LINGO2: variants seen among roughly 807,000 people sequenced by gnomAD.
LINGO2 encodes leucine rich repeat and Ig domain containing 2, also known as leucine-rich repeat and immunoglobulin-like domain-containing nogo receptor-interacting protein 2.
Under a neutral mutation model 30.6 loss-of-function variants are expected in LINGO2, and 14 were observed. That is an observed-to-expected ratio of 0.46 (90% CI 0.30 to 0.72). LINGO2 has a LOEUF of 0.72. Ranked by LOEUF, LINGO2 falls within the 30% of genes least tolerant of loss-of-function variation. The probability of loss-of-function intolerance (pLI) is 0.07; values close to 1 mark genes in which losing one functional copy is unlikely to be tolerated. For synonymous variants in LINGO2, 317 were observed against 288.5 expected, an observed-to-expected ratio of 1.10 and a Z score of -1.00; for missense variants, 729 against 751.7, an observed-to-expected ratio of 0.97 and a Z score of 0.35.
chr9:27,950,500 C>T lies in LINGO2; in HGVS notation c.172G>A (p.Glu58Lys), dbSNP rs770649517. 6.9e-6 allele frequency: 11 copies of T among 1,595,044 alleles called. No individual in the cohort carries two copies. The highest frequency in any genetic ancestry group is 9.4e-6 in the Non-Finnish European group (11 of 1,168,914). ...TTACTGAGGTCCAAGATTTTGGTTTCGATGGGAATGCCCTCTGGGATGGCG... is the reference window on the plus strand; with the variant it reads ...TTACTGAGGTCCAAGATTTTGGTTTTGATGGGAATGCCCTCTGGGATGGCG... The change falls in exon 6 of 6, where the codon GAA becomes AAA. Residue 58 changes from glutamate to lysine, a missense_variant. Coordinates refer to ENST00000379992, the Ensembl canonical transcript of LINGO2.
Position 28,303,299 on chromosome 9 carries a change from G to A in LINGO2, c.-245-7933C>T, listed in dbSNP as rs368755858. Among the ~76,000 whole-genome samples the A allele has an allele frequency of 5.8e-4, 88 of 152,254 alleles. 2 individuals carry two copies. In the South Asian group the frequency reaches 0.017, roughly 30 times the overall value. ...ATTCTCTGATTTTTATTAGGAAGTT[G>A]TTGCTGAGGATAATCTTGGAGGGAA... On this transcript the variant is annotated intron_variant, in intron 3 of 5. Transcript: ENST00000379992.
chr9:28,992,533 C>T, the LINGO2 span, among the ~76,000 whole-genome samples: 1 of 152,056 alleles, frequency 6.6e-6, no homozygotes, highest in Admixed American at 6.6e-5. Context: ...ATGTACAGAA[C>T]TCTCCACCCC....
chr9:29,107,081 A>G, the LINGO2 span, among the ~76,000 whole-genome samples: 1 of 152,202 alleles, frequency 6.6e-6, no homozygotes, highest in African/African-American at 2.4e-5. Context: ...ATGTAATACT[A>G]TCTTAATCAC....
intron 1 of LINGO2, among the ~76,000 whole-genome samples, chr9:28,549,521 G>A (rs757304078): frequency 6.6e-6 from 1 of 151,896 alleles, no homozygotes; most frequent in African/African-American, 2.4e-5. Flanking sequence ...GTTCATCTAT[G>A]CTTTTACTAG....
rs150653789 is a variant in LINGO2 at position 28,107,222 on chromosome 9, C to T, written c.-86-94817G>A. 9.0e-4 allele frequency among the ~76,000 whole-genome samples: 137 copies of T among 152,260 alleles called. 1 individual carries two copies. In the South Asian group the frequency reaches 0.019, roughly 21 times the overall value. ...TGTATGATTGTTTGGGGTCTTTCCC[C>T]CACTAGCCAAACGTCTATGAGGGCA... is the stretch of plus-strand genomic sequence containing the variant. On this transcript the variant is annotated intron_variant, in intron 4 of 5. Coordinates refer to ENST00000379992, the Ensembl canonical transcript of LINGO2.
chr9:28,874,391 C>T, the LINGO2 span, among the ~76,000 whole-genome samples: 5 of 151,952 alleles, frequency 3.3e-5, no homozygotes, highest in African/African-American at 1.2e-4. Context: ...ACACTTTACT[C>T]ATCTTTAAAA....
At chr9:28,366,565 C>T (rs1321831153) in intron 3 of LINGO2, among the ~76,000 whole-genome samples, 2 of 151,934 alleles carry the variant, frequency 1.3e-5, no homozygotes, top group Admixed American at 6.6e-5. Flanking sequence ...AAAAAGAATG[C>T]TGGAGGACTC....
the LINGO2 span, among the ~76,000 whole-genome samples, chr9:29,122,813 C>A: frequency 1.3e-5 from 2 of 152,028 alleles, no homozygotes; most frequent in Non-Finnish European, 2.9e-5. Flanking sequence ...CAACACAGTA[C>A]AAATGTTCTG....
exon 6 of LINGO2, chr9:27,950,197 C>T (rs751432972): frequency 1.9e-6 from 3 of 1,613,908 alleles, no homozygotes; most frequent in Non-Finnish European, 2.5e-6. Flanking sequence ...TCCCCCACTT[C>T]TAGAGACTTC....
intron 3 of LINGO2, among the ~76,000 whole-genome samples, chr9:28,333,465 G>A (rs1432564832): frequency 6.6e-6 from 1 of 152,114 alleles, no homozygotes; most frequent in African/African-American, 2.4e-5. Flanking sequence ...TAGGACAACT[G>A]CATGGCAAAG....
chr9:28,953,437 C>T, the LINGO2 span, among the ~76,000 whole-genome samples: 1 of 152,026 alleles, frequency 6.6e-6, no homozygotes, highest in South Asian at 2.1e-4. Flanking sequence ...CATTGATTAT[C>T]AGTTAATTAT....
Position 28,583,394 on chromosome 9 carries a change from T to C in LINGO2, c.-365+86806A>G, listed in dbSNP as rs151233517. Among the ~76,000 whole-genome samples, 396 of 152,086 alleles carry C rather than the reference T, an allele frequency of 2.6e-3. 2 individuals carry two copies. Among genetic ancestry groups the C allele is most frequent in the African/African-American group, 9.2e-3 (381 of 41,552 alleles). Reference sequence around the variant, plus strand: ...TACTATTATAGAGATTATAAAAATCTAAATGTCTCATCTTTTTCATAACGT... The same window carrying C: ...TACTATTATAGAGATTATAAAAATCCAAATGTCTCATCTTTTTCATAACGT... On this transcript the variant is annotated intron_variant, in intron 1 of 5. Coordinates refer to ENST00000379992, the Ensembl canonical transcript of LINGO2.
At chr9:29,102,056 C>T in the LINGO2 span, among the ~76,000 whole-genome samples, 1 of 150,992 alleles carries the variant, frequency 6.6e-6, no homozygotes, top group Non-Finnish European at 1.5e-5. Context: ...ACGGACTTGG[C>T]TTTTCTTAAG....
At chr9:28,860,877 G>A in the LINGO2 span, among the ~76,000 whole-genome samples, 6 of 145,524 alleles carry the variant, frequency 4.1e-5, no homozygotes, top group African/African-American at 1.5e-4. Context: ...TGACAGTCTT[G>A]TGGTCATAGC....
At chr9:29,067,957 T>C in the LINGO2 span, among the ~76,000 whole-genome samples, 965 of 151,724 alleles carry the variant, frequency 6.4e-3, 14 homozygotes, top group African/African-American at 0.022. Context: ...AGACTATCGA[T>C]TGGGGGAATA....
At chr9:29,104,787 T>G in the LINGO2 span, among the ~76,000 whole-genome samples, 1 of 152,222 alleles carries the variant, frequency 6.6e-6, no homozygotes, top group Non-Finnish European at 1.5e-5. Context: ...AAATCTATAA[T>G]CATTTGCAGA....
At chr9:28,664,471 G>C (rs939019462) in intron 1 of LINGO2, among the ~76,000 whole-genome samples, 1 of 152,002 alleles carries the variant, frequency 6.6e-6, no homozygotes, top group African/African-American at 2.4e-5. Context: ...GCCTTCAAGG[G>C]AAAAATAGTC....
chr9:29,028,724 T>C, the LINGO2 span, among the ~76,000 whole-genome samples: 4 of 152,132 alleles, frequency 2.6e-5, no homozygotes, highest in Non-Finnish European at 5.9e-5. Flanking sequence ...GCTTGCTAGA[T>C]GATGAAAGGC....
At chr9:28,112,058 C>G (rs1185759902) in intron 4 of LINGO2, among the ~76,000 whole-genome samples, 21 of 106,572 alleles carry the variant, frequency 2.0e-4, no homozygotes, top group Non-Finnish European at 7.6e-5. Context: ...ATCCCTCCCC[C>G]CTCCCCCGAC....
Sources: gnomAD v4.1 joint callset for allele counts (sites outside exome capture counted in the v4.1 genomes callset) on GRCh38, gnomAD v4.1.1 for gene constraint, MANE v1.5 for transcripts, NCBI Gene and HGNC (gene_info 2026-07-23, HGNC 2026-07-21) for gene names.